Variants in SCG3 observed in about 807,000 individuals in gnomAD.
The protein encoded by SCG3 is secretogranin-3.
Under a neutral mutation model 56.2 loss-of-function variants are expected in SCG3, and 38 were observed. The ratio of observed to expected loss-of-function variants is 0.68; its 90% confidence interval spans 0.52 to 0.89. The LOEUF (loss-of-function observed/expected upper bound fraction) is 0.89. Ranked by LOEUF, SCG3 falls within the 40% of genes least tolerant of loss-of-function variation. The pLI, the probability that SCG3 is intolerant of heterozygous loss-of-function variation, is 0.00. For missense variants in SCG3, 524 were observed against 540.7 expected (o/e 0.97, Z 0.31); for synonymous variants, 176 against 184.2 (o/e 0.96, Z 0.36).
chr15:51,698,638 C>T (rs1240293953), intron 8 of SCG3, among the ~76,000 whole-genome samples: 1 of 152,186 alleles, frequency 6.6e-6, no homozygotes. Flanking sequence ...TTTGGGTTTG[C>T]GAATTCCACC....
At chr15:51,694,477 G>C (rs1168199115) in intron 7 of SCG3, among the ~76,000 whole-genome samples, 4 of 151,536 alleles carry the variant, frequency 2.6e-5, no homozygotes, top group African/African-American at 9.8e-5. Flanking sequence ...ATAGGCTAAT[G>C]GCTGTTGCTT....
intron 5 of SCG3, 86 bp from the exon 6 acceptor site, chr15:51,689,133 T>C: frequency 2.2e-6 from 3 of 1,375,206 alleles, no homozygotes; most frequent in East Asian, 4.6e-5. Flanking sequence ...AAAAAATACA[T>C]GTTTGACTAC....
Position 51,681,590 on chromosome 15 carries a change from G to A in SCG3, c.-166G>A. 1 of 621,748 alleles carries A rather than the reference G, an allele frequency of 1.6e-6. No individual in the cohort carries two copies. Among genetic ancestry groups the A allele is most frequent in the East Asian group, 2.8e-5 (1 of 36,260 alleles). The allele number at this position is 621,748 out of a possible 1,614,324, so 38.5% of individuals were successfully genotyped here. Reference sequence around the variant, plus strand: ...CGCGCCCCAACCCTGCTTATCCCTTGACCGTCGAGTGTCAGAGATCCTGCA... The same window carrying A: ...CGCGCCCCAACCCTGCTTATCCCTTAACCGTCGAGTGTCAGAGATCCTGCA... On this transcript the variant is annotated 5_prime_UTR_variant, in exon 1 of 12. Transcript: ENST00000220478.
chr15:51,701,076 G>T (rs1409481207), intron 9 of SCG3, 31 bp from the exon 10 acceptor site: 2 of 1,611,806 alleles, frequency 1.2e-6, no homozygotes, highest in Middle Eastern at 1.7e-4. Context: ...AGGAAACAGG[G>T]CTATGACAAC....
At chr15:51,688,484 G>A (rs961845110) in intron 5 of SCG3, 82 bp downstream of exon 5, 2 of 1,320,922 alleles carry the variant, frequency 1.5e-6, no homozygotes, top group South Asian at 1.4e-5. Flanking sequence ...GCCTCAAGTA[G>A]CCAAGTGTTT....
At chr15:51,701,083 C>A in intron 9 of SCG3, 24 bp from the exon 10 acceptor site, 2 of 1,612,378 alleles carry the variant, frequency 1.2e-6, no homozygotes, top group Non-Finnish European at 1.7e-6. Context: ...AGGGCTATGA[C>A]AACAATGCTC....
intron 6 of SCG3, among the ~76,000 whole-genome samples, chr15:51,689,757 G>A (rs544348185): frequency 7.2e-5 from 11 of 151,932 alleles, no homozygotes; most frequent in Middle Eastern, 3.4e-3. Flanking sequence ...ACTGCATACC[G>A]GTCTGGGTGA....
intron 6 of SCG3, among the ~76,000 whole-genome samples, chr15:51,689,880 G>A (rs889097014): frequency 3.3e-5 from 5 of 152,060 alleles, no homozygotes; most frequent in Non-Finnish European, 5.9e-5. Context: ...TGAAAATAAT[G>A]TAAAGATTAT....
At chr15:51,694,922 T>C (rs2055293109) in intron 7 of SCG3, among the ~76,000 whole-genome samples, 1 of 151,544 alleles carries the variant, frequency 6.6e-6, no homozygotes, top group Admixed American at 6.6e-5. Flanking sequence ...TCCCAGCTAC[T>C]CGGGAGGCTG....
chr15:51,701,264 A>T lies in SCG3; in HGVS notation c.1207+20A>T, dbSNP rs368430924. The T allele has an allele frequency of 1.3e-6, 2 of 1,546,096 alleles. No homozygotes were observed. Among genetic ancestry groups the T allele is most frequent in the Non-Finnish European group, 1.7e-6 (2 of 1,153,334 alleles). ...CCAAAGGTATGGGATTGACAGCTCT[A>T]GGTTAGCAATGAAATTGGGAAAGCA... is the stretch of plus-strand genomic sequence containing the variant. On this transcript the variant is annotated intron_variant, in intron 10 of 11. Transcript: ENST00000220478.
Position 51,719,639 on chromosome 15 carries a change from T to G in SCG3, c.*113T>G. 2 of 690,418 alleles carry G rather than the reference T, an allele frequency of 2.9e-6. No individual in the cohort carries two copies. The allele number at this position is 690,418 out of a possible 1,614,324, so 42.8% of individuals were successfully genotyped here. On this transcript the variant is annotated 3_prime_UTR_variant, in exon 12 of 12. Transcript: ENST00000220478. ...TGACCCAAGGGTTATTAGAAAGTGC[T>G]GAATTTACAGTAGTTAACCTTTTAC...
chr15:51,706,226 G>C (rs771542800), intron 10 of SCG3, among the ~76,000 whole-genome samples: 1 of 152,230 alleles, frequency 6.6e-6, no homozygotes, highest in Non-Finnish European at 1.5e-5. Context: ...TTCCGGGACA[G>C]TTATTCAGCA....
chr15:51,704,049 GA>G (rs1275807366), intron 10 of SCG3, among the ~76,000 whole-genome samples: 1 of 151,700 alleles, frequency 6.6e-6, no homozygotes, highest in Non-Finnish European at 1.5e-5. Context: ...CAGGAAGAAA[GA>G]AAGCAGTAAT....
In SCG3 at chr15:51,701,196, A is replaced by G. The variant is rs1466763912; in HGVS notation, c.1159A>G (p.Thr387Ala). 2 of 1,612,460 alleles carry G rather than the reference A, an allele frequency of 1.2e-6. No homozygotes were observed. Among genetic ancestry groups the G allele is most frequent in the Non-Finnish European group, 1.7e-6 (2 of 1,179,458 alleles). ...EKEYGSLKDS[T>A]KDDNSNPGGK... ...GGAATATGGAAGCTTGAAGGATTCC[A>G]CAAAAGATGATAACTCCAACCCAGG... Residue 387 changes from threonine (T) to alanine (A), a missense_variant, in exon 10 of 12, where the codon ACA becomes GCA. By Grantham distance (58) the Thr-to-Ala change is moderately conservative. Transcript: ENST00000220478.
intron 7 of SCG3, among the ~76,000 whole-genome samples, chr15:51,694,597 T>C (rs2055289836): frequency 6.6e-6 from 1 of 152,224 alleles, no homozygotes; most frequent in Non-Finnish European, 1.5e-5. Flanking sequence ...GTTCCCCCTC[T>C]AGCATCTTAG....
rs113234921 is a variant in SCG3, at chr15:51,683,572, A to G, written c.397+138A>G. The G allele has an allele frequency of 4.3e-4, 237 of 547,264 alleles. 2 individuals are homozygous for G. The highest frequency in any genetic ancestry group is 3.8e-3 in the African/African-American group (199 of 51,754). The allele number at this position is 547,264 out of a possible 1,614,324, so 33.9% of individuals were successfully genotyped here. A position where few individuals can be genotyped will look rare whatever the true frequency, so the allele number is the denominator to read the frequency against. Reference sequence around the variant, plus strand: ...AGTCCAAAATTGAGATAAAGCATATATTTACTGATAACATGTAGAGCCCCA... The same window carrying G: ...AGTCCAAAATTGAGATAAAGCATATGTTTACTGATAACATGTAGAGCCCCA... On this transcript the variant is annotated intron_variant, in intron 4 of 11. Coordinates refer to ENST00000220478, the MANE Select transcript of SCG3 (RefSeq NM_013243.4).
chr15:51,688,435 C>T (rs2055243852), intron 5 of SCG3, 33 bp downstream of exon 5: 4 of 1,605,096 alleles, frequency 2.5e-6, no homozygotes, highest in Non-Finnish European at 3.4e-6. Context: ...AACCAAATTC[C>T]TAGTGCAGTT....
chr15:51,704,230 T>TACAA (rs1226193681), intron 10 of SCG3, among the ~76,000 whole-genome samples: 1 of 77,820 alleles, frequency 1.3e-5, no homozygotes, highest in Non-Finnish European at 2.6e-5. Flanking sequence ...TATGTGTGTA[T>TACAA]ACATACATAC....
At chr15:51,710,262 T>C (rs990617106) in intron 10 of SCG3, among the ~76,000 whole-genome samples, 15 of 152,266 alleles carry the variant, frequency 9.9e-5, no homozygotes, top group African/African-American at 3.6e-4. Flanking sequence ...AATTATATGC[T>C]ACAGTAGAAG....
Sources: gnomAD v4.1 joint callset for allele counts (sites outside exome capture counted in the v4.1 genomes callset) on GRCh38, gnomAD v4.1.1 for gene constraint, MANE v1.5 for transcripts, NCBI Gene and HGNC (gene_info 2026-07-23, HGNC 2026-07-21) for gene names.